The following NAALADL2 variants were observed in gnomAD, a reference collection of about 807,000 sequenced individuals.
The protein encoded by NAALADL2 is inactive N-acetylated-alpha-linked acidic dipeptidase-like protein 2.
A neutral mutation model predicts 87.2 loss-of-function variants in NAALADL2; 76 were observed. That is an observed-to-expected ratio of 0.87 (90% CI 0.72 to 1.05). NAALADL2 has a LOEUF of 1.05. Among genes scored for constraint, NAALADL2 ranks in the 50% least tolerant of loss-of-function variants. The pLI is 0.00. For synonymous variants in NAALADL2, 354 were observed against 331.0 expected (o/e 1.07, Z -0.75); for missense variants, 1,089 against 945.8 (o/e 1.15, Z -1.99).
intron 2 of NAALADL2, among the ~76,000 whole-genome samples, chr3:174,618,892 A>G (rs1720735410): frequency 6.6e-6 from 1 of 151,954 alleles, no homozygotes; most frequent in South Asian, 2.1e-4. Flanking sequence ...TTAGAAGCTA[A>G]CCACAATTTT....
At chr3:175,323,378 A>G (rs1260794892) in intron 4 of NAALADL2, among the ~76,000 whole-genome samples, 4 of 148,894 alleles carry the variant, frequency 2.7e-5, no homozygotes, top group East Asian at 2.1e-4. Context: ...TGGGAGATAT[A>G]TCTAATGCTA....
At chr3:174,889,862 C>G (rs923763136) in intron 1 of NAALADL2, among the ~76,000 whole-genome samples, 2 of 152,144 alleles carry the variant, frequency 1.3e-5, no homozygotes, top group Non-Finnish European at 2.9e-5. Flanking sequence ...CTTCTTAATG[C>G]TAAAGCAACT....
At chr3:174,805,570 A>G (rs1719373148) in intron 3 of NAALADL2, among the ~76,000 whole-genome samples, 1 of 152,130 alleles carries the variant, frequency 6.6e-6, no homozygotes, top group South Asian at 2.1e-4. Context: ...CATTTCAGGA[A>G]TTAATATAGA....
chr3:174,816,233 C>T (rs1032823558), intron 3 of NAALADL2, among the ~76,000 whole-genome samples: 4 of 151,748 alleles, frequency 2.6e-5, no homozygotes, highest in Non-Finnish European at 4.4e-5. Context: ...TCTCCTCCTC[C>T]TCTGCCTTCT....
rs895768799 is a variant in NAALADL2 at position 175,737,521 on chromosome 3, A to G, written c.1990+122A>G. 3.7e-5 allele frequency: 24 copies of G among 640,436 alleles called. No homozygotes were observed. In the South Asian group the frequency reaches 4.2e-4, roughly 11 times the overall value. The allele number at this position is 640,436 out of a possible 1,614,324, so 39.7% of individuals were successfully genotyped here. ...CATGGCAATGCTGTGCTTCCTGGAGAGGCTGATCCTGGGAAGGACCTGGAA... is the reference window on the plus strand; with the variant it reads ...CATGGCAATGCTGTGCTTCCTGGAGGGGCTGATCCTGGGAAGGACCTGGAA... On this transcript the variant is annotated intron_variant, in intron 12 of 13. Coordinates refer to ENST00000454872, the MANE Select transcript of NAALADL2 (RefSeq NM_207015.3).
chr3:175,563,594 C>T (rs1365117708), intron 9 of NAALADL2, among the ~76,000 whole-genome samples: 2 of 152,062 alleles, frequency 1.3e-5, no homozygotes, highest in Admixed American at 6.6e-5. Context: ...GATTGACCTC[C>T]GTTTTACAAA....
At chr3:175,538,779 C>G (rs1711753251) in intron 9 of NAALADL2, among the ~76,000 whole-genome samples, 1 of 152,060 alleles carries the variant, frequency 6.6e-6, no homozygotes, top group Admixed American at 6.6e-5. Flanking sequence ...ATTTATTGAG[C>G]ACTTCTTATA....
chr3:174,506,482 A>T (rs533209572), intron 1 of NAALADL2, among the ~76,000 whole-genome samples: 2 of 152,186 alleles, frequency 1.3e-5, no homozygotes, highest in South Asian at 4.1e-4. Context: ...CCTCCGGTCT[A>T]TGTCTTCATT....
intron 1 of NAALADL2, among the ~76,000 whole-genome samples, chr3:175,053,384 C>A (rs1755671609): frequency 6.6e-6 from 1 of 152,162 alleles, no homozygotes; most frequent in Non-Finnish European, 1.5e-5. Flanking sequence ...CCATCTGTGA[C>A]AGCTTCTTGA....
At chr3:174,890,080 A>T (rs916444308) in intron 1 of NAALADL2, among the ~76,000 whole-genome samples, 2 of 152,196 alleles carry the variant, frequency 1.3e-5, no homozygotes, top group African/African-American at 2.4e-5. Context: ...CCTTGAGATA[A>T]TATCGGTACC....
intron 5 of NAALADL2, among the ~76,000 whole-genome samples, chr3:175,360,558 A>C (rs1764875047): frequency 6.6e-6 from 1 of 151,966 alleles, no homozygotes; most frequent in Non-Finnish European, 1.5e-5. Context: ...TGGACAGGAG[A>C]TATAAGTGTT....
At chr3:175,385,426 C>T (rs1467284683) in intron 5 of NAALADL2, among the ~76,000 whole-genome samples, 1 of 152,080 alleles carries the variant, frequency 6.6e-6, no homozygotes, top group East Asian at 1.9e-4. Flanking sequence ...TATTTATGTG[C>T]TGTCGGCAAG....
intron 1 of NAALADL2, among the ~76,000 whole-genome samples, chr3:175,067,928 G>A (rs553314419): frequency 6.6e-6 from 1 of 151,984 alleles, no homozygotes; most frequent in Admixed American, 6.6e-5. Flanking sequence ...ATGAAATGAA[G>A]TCTTTGAAAC....
intron 1 of NAALADL2, among the ~76,000 whole-genome samples, chr3:174,921,695 C>T (rs1416284862): frequency 6.6e-6 from 1 of 150,768 alleles, no homozygotes; most frequent in Non-Finnish European, 1.5e-5. Flanking sequence ...GTCCCAGCTA[C>T]TTGAGAGGCT....
intron 1 of NAALADL2, among the ~76,000 whole-genome samples, chr3:175,019,075 G>A (rs1002843589): frequency 6.6e-6 from 1 of 151,828 alleles, no homozygotes; most frequent in African/African-American, 2.4e-5. Context: ...ATTCCTGTAG[G>A]CATAATATTA....
At chr3:175,708,937 C>T (rs1740128206) in intron 11 of NAALADL2, among the ~76,000 whole-genome samples, 1 of 151,882 alleles carries the variant, frequency 6.6e-6, no homozygotes, top group Non-Finnish European at 1.5e-5. Flanking sequence ...ACATTGTCTC[C>T]CCTAAACCTG....
intron 5 of NAALADL2, among the ~76,000 whole-genome samples, chr3:175,399,829 C>G (rs929345356): frequency 1.3e-5 from 2 of 152,134 alleles, no homozygotes; most frequent in African/African-American, 4.8e-5. Flanking sequence ...GATGCAGTTG[C>G]TCCAGTTCAA....
In NAALADL2 at chr3:175,704,778, C is replaced by T. The variant is rs114414730; in HGVS notation, c.1897-32528C>T. 6.6e-3 allele frequency among the ~76,000 whole-genome samples: 999 copies of T among 152,292 alleles called. 14 individuals carry two copies. Among genetic ancestry groups the T allele is most frequent in the African/African-American group, 0.023 (942 of 41,574 alleles). The stretch of plus-strand genomic sequence containing the variant: ...TGTCTTATTTGCACAGCTGTTTCTG[C>T]GCTAATGCTTCACTTGGTATCAAGG... On this transcript the variant is annotated intron_variant, in intron 11 of 13. Transcript: ENST00000454872.
chr3:174,647,383 C>A (rs1408670743), intron 2 of NAALADL2, among the ~76,000 whole-genome samples: 1 of 152,170 alleles, frequency 6.6e-6, no homozygotes, highest in Admixed American at 6.5e-5. Flanking sequence ...AGACTGAGCA[C>A]AAGTCATTGG....
Sources: gnomAD v4.1 joint callset for allele counts (sites outside exome capture counted in the v4.1 genomes callset) on GRCh38, gnomAD v4.1.1 for gene constraint, MANE v1.5 for transcripts, NCBI Gene and HGNC (gene_info 2026-07-23, HGNC 2026-07-21) for gene names.